Variants in PRDM10 observed in about 807,000 individuals in gnomAD.
The protein encoded by PRDM10 is PR domain zinc finger protein 10.
PRDM10 carries 65 observed loss-of-function variants against 133.1 expected under a neutral mutation model. The ratio of observed to expected loss-of-function variants is 0.49; its 90% CI spans 0.40 to 0.60. The LOEUF is 0.60. PRDM10 is among the 20% of genes least tolerant of loss of function. PRDM10 has a pLI of 0.00. For synonymous variants in PRDM10, 582 were observed against 580.4 expected, an observed-to-expected ratio of 1.00 and a Z score of -0.04; for missense variants, 1,137 against 1,507.1, an observed-to-expected ratio of 0.75 and a Z score of 4.07.
At chr11:129,964,178 G>A (rs1005805348) in intron 1 of PRDM10, among the ~76,000 whole-genome samples, 9 of 152,146 alleles carry the variant, frequency 5.9e-5, no homozygotes, top group Admixed American at 3.3e-4. Flanking sequence ...ATGCGCAGGC[G>A]TGTACTATGC....
chr11:129,928,634 A>G, intron 11 of PRDM10, among the ~76,000 whole-genome samples: 1 of 152,006 alleles, frequency 6.6e-6, no homozygotes, highest in East Asian at 1.9e-4. Context: ...GGCTCAAGCA[A>G]TCCACCTGCC....
At chr11:129,997,393 T>A (rs927197075) in intron 1 of PRDM10, among the ~76,000 whole-genome samples, 1 of 149,326 alleles carries the variant, frequency 6.7e-6, no homozygotes, top group African/African-American at 2.6e-5. Flanking sequence ...GGTGGGAGGA[T>A]CACTTGAGCC....
chr11:129,979,526 G>A (rs1320954033), intron 1 of PRDM10, among the ~76,000 whole-genome samples: 1 of 152,172 alleles, frequency 6.6e-6, no homozygotes, highest in African/African-American at 2.4e-5. Flanking sequence ...ACTGTGAGGT[G>A]CATCCTAGAG....
At chr11:129,993,138 T>C (rs144287436) in intron 1 of PRDM10, among the ~76,000 whole-genome samples, 2 of 152,318 alleles carry the variant, frequency 1.3e-5, no homozygotes, top group African/African-American at 2.4e-5. Context: ...TTAATTTAGG[T>C]ATACAGTGTT....
At chr11:129,976,196 C>T (rs779811219) in intron 1 of PRDM10, among the ~76,000 whole-genome samples, 2 of 152,166 alleles carry the variant, frequency 1.3e-5, no homozygotes, top group Non-Finnish European at 2.9e-5. Flanking sequence ...AACTCTCAGG[C>T]TCTGATTCTA....
Position 129,918,517 on chromosome 11 carries a change from C to A in PRDM10, c.2214+22G>T, listed in dbSNP as rs757275249. 2 of 1,606,644 alleles carry A rather than the reference C, an allele frequency of 1.2e-6. No individual in the cohort carries two copies. Among genetic ancestry groups the A allele is most frequent in the East Asian group, 4.5e-5 (2 of 44,710 alleles). ...GAGGTATGCTGGGAAGACAGAGGAA[C>A]CCGCAGCCACTGGGCACTGACCAGC... On this transcript the variant is annotated intron_variant, in intron 14 of 20. Transcript: ENST00000360871. This position sits in a 1 kb window ranked among gnomAD's most constrained non-coding sequence, Gnocchi z 5.3.
At chr11:129,963,913 G>A (rs1951853068) in intron 1 of PRDM10, among the ~76,000 whole-genome samples, 1 of 152,182 alleles carries the variant, frequency 6.6e-6, no homozygotes, top group South Asian at 2.1e-4. Context: ...ACGCTCAGCT[G>A]TCCTGCCCTT....
At chr11:129,986,927 CATT>C (rs1296880241) in intron 1 of PRDM10, among the ~76,000 whole-genome samples, 1 of 152,164 alleles carries the variant, frequency 6.6e-6, no homozygotes, top group Non-Finnish European at 1.5e-5. Context: ...CAACAGTGCT[CATT>C]GTTGTGGTTT....
chr11:129,981,608 CT>C (rs1318506173), intron 1 of PRDM10, among the ~76,000 whole-genome samples: 1 of 152,218 alleles, frequency 6.6e-6, no homozygotes, highest in East Asian at 1.9e-4. Flanking sequence ...AAATACTCCC[CT>C]GATGGGCCAG....
intron 16 of PRDM10, 76 bp downstream of exon 16, chr11:129,915,584 A>G: frequency 6.8e-7 from 1 of 1,466,132 alleles, no homozygotes; most frequent in Non-Finnish European, 9.1e-7. Context: ...GGCCATGTGG[A>G]TGAGAAGCCA....
At chr11:129,985,197 A>G (rs966860491) in intron 1 of PRDM10, among the ~76,000 whole-genome samples, 7 of 152,052 alleles carry the variant, frequency 4.6e-5, no homozygotes, top group African/African-American at 1.7e-4. Flanking sequence ...CTTAGGATGA[A>G]CTCTCATGAA....
At chr11:129,962,857 G>A (rs1951823227) in intron 1 of PRDM10, among the ~76,000 whole-genome samples, 1 of 151,994 alleles carries the variant, frequency 6.6e-6, no homozygotes, top group Admixed American at 6.6e-5. Context: ...AAGGTATTAA[G>A]AAAGGAATAG....
At chr11:129,903,261 G>A (rs1949898431) in intron 20 of PRDM10, among the ~76,000 whole-genome samples, 1 of 150,738 alleles carries the variant, frequency 6.6e-6, no homozygotes, top group Non-Finnish European at 1.5e-5. Context: ...TCGTGCCATT[G>A]CACTCAAGCC....
At chr11:129,904,585 C>T (rs552926971) in intron 20 of PRDM10, among the ~76,000 whole-genome samples, 4 of 152,070 alleles carry the variant, frequency 2.6e-5, no homozygotes, top group Admixed American at 6.6e-5. Context: ...CTGCAACCTC[C>T]GCCTCCCAGG....
intron 3 of PRDM10, 144 bp from the exon 4 acceptor site, chr11:129,955,715 A>G (rs112029766): frequency 4.9e-4 from 312 of 631,334 alleles, no homozygotes; most frequent in Middle Eastern, 2.3e-3. Context: ...AATACAGAAA[A>G]TAAAGATAGT....
chr11:129,966,651 C>T lies in PRDM10; in HGVS notation c.-118-5569G>A, dbSNP rs1362968924. Among the ~76,000 whole-genome samples, 4 of 152,172 alleles carry T rather than the reference C, an allele frequency of 2.6e-5. No homozygotes were observed. In the East Asian group the frequency reaches 5.8e-4, roughly 22 times the overall value. On this transcript the variant is annotated intron_variant, in intron 1 of 20. Coordinates refer to ENST00000360871, the MANE Select transcript of PRDM10 (RefSeq NM_199437.2). ...GAAAAATGACCTTAACCAACCGAGG[C>T]CCTTACAGAACCTGGGTATAAAAGA...
Position 129,983,291 on chromosome 11 carries a change from A to G in PRDM10, c.-119+19431T>C, listed in dbSNP as rs951775514. 9.6e-5 allele frequency among the ~76,000 whole-genome samples: 11 copies of G among 114,462 alleles called. No individual in the cohort carries two copies. The South Asian group carries it at 1.9e-3, about 19-fold the overall frequency. 75.1% of individuals were successfully genotyped at this position (114,462 alleles called of 152,430 possible). On this transcript the variant is annotated intron_variant, in intron 1 of 20. Coordinates refer to ENST00000360871, the MANE Select transcript of PRDM10 (RefSeq NM_199437.2). ...CCACGCCTGGTCTAAAAATCTTTTT[A>G]TTTCTCCTTTTTTTTTTTTTTTAGA...
chr11:129,914,499 C>G (rs1950289881), intron 17 of PRDM10: 1 of 724,718 alleles, frequency 1.4e-6, no homozygotes, highest in East Asian at 2.8e-5. Flanking sequence ...CTAAAATTTC[C>G]TGACTACTAT....
rs762190817 is a variant in PRDM10, at chr11:129,925,056, G to A, written c.1704C>T (p.Ser568=). 3.7e-6 allele frequency: 6 copies of A among 1,614,214 alleles called. No individual in the cohort carries two copies. The highest frequency in any genetic ancestry group is 2.2e-5 in the East Asian group (1 of 44,882). Residue 568 remains serine, a synonymous_variant, in exon 12 of 21, where the codon AGC becomes AGT. Transcript: ENST00000360871. ...GCTTCATGTGGCTCTCCAAGGATGT[G>A]CTGCTGATGAAGCCCTTGTTACAGA... ...CDLCNKGFIS[S]TSLESHMKLH...
Sources: allele counts gnomAD v4.1 joint callset (sites outside exome capture counted in the v4.1 genomes callset), GRCh38; gene constraint gnomAD v4.1.1; non-coding constraint Gnocchi (gnomAD v3.1); transcripts MANE v1.5; gene names NCBI Gene and HGNC (gene_info 2026-07-23, HGNC 2026-07-21).